Variants in LARP1 observed in about 807,000 individuals in gnomAD.
LARP1 encodes La ribonucleoprotein 1, translational regulator.
A neutral mutation model predicts 122.7 loss-of-function variants in LARP1; 36 were observed. The observed-to-expected ratio is 0.29, with a 90% confidence interval of 0.22 to 0.39. The LOEUF (loss-of-function observed/expected upper bound fraction) is 0.39, where lower values mean the gene tolerates loss of function less well. Ranked by LOEUF, LARP1 falls within the 10% of genes least tolerant of loss-of-function variation. The pLI is 1.00. For missense variants in LARP1, 1,040 were observed against 1,403.6 expected, an observed-to-expected ratio of 0.74 and a Z score of 4.14; for synonymous variants, 539 against 528.7, an observed-to-expected ratio of 1.02 and a Z score of -0.27.
intron 15 of LARP1, among the ~76,000 whole-genome samples, chr5:154,807,694 G>T (rs997930928): frequency 1.3e-5 from 2 of 152,082 alleles, no homozygotes; most frequent in Non-Finnish European, 2.9e-5. Context: ...GGGACTACAG[G>T]CATGCTCCAC....
At chr5:154,691,296 C>T (rs984932434) in intron 1 of LARP1, among the ~76,000 whole-genome samples, 15 of 150,932 alleles carry the variant, frequency 9.9e-5, no homozygotes, top group Non-Finnish European at 2.1e-4. Context: ...ATCAGACTTG[C>T]AATCAAGAGA....
intron 1 of LARP1, among the ~76,000 whole-genome samples, chr5:154,776,894 A>AT (rs1755934666): frequency 6.6e-6 from 1 of 152,208 alleles, no homozygotes; most frequent in South Asian, 2.1e-4. Flanking sequence ...CAGCTCTGCT[A>AT]TTTTTCTTTT....
At chr5:154,783,711 A>G (rs1232257890) in intron 1 of LARP1, among the ~76,000 whole-genome samples, 3 of 151,870 alleles carry the variant, frequency 2.0e-5, no homozygotes, top group African/African-American at 7.3e-5. Flanking sequence ...GATCAAGATT[A>G]AGAGAATCCA....
chr5:154,793,523 A>G, intron 4 of LARP1, 72 bp from the exon 5 acceptor site: 1 of 1,593,824 alleles, frequency 6.3e-7, no homozygotes, highest in Non-Finnish European at 8.6e-7. Flanking sequence ...GCAGAAGAAG[A>G]GGAGTTGGGT....
At chr5:154,801,299 TGG>T (rs1758336224) in intron 10 of LARP1, among the ~76,000 whole-genome samples, 1 of 152,234 alleles carries the variant, frequency 6.6e-6, no homozygotes, top group Non-Finnish European at 1.5e-5. Flanking sequence ...GTTCATCCTG[TGG>T]TAGTCACTTC....
intron 1 of LARP1, among the ~76,000 whole-genome samples, chr5:154,722,226 C>T (rs1413092253): frequency 6.6e-6 from 1 of 152,220 alleles, no homozygotes; most frequent in African/African-American, 2.4e-5. Context: ...CTTCCCCGCC[C>T]TCTCCCTTTT....
intron 1 of LARP1, among the ~76,000 whole-genome samples, chr5:154,687,876 A>G (rs1754010496): frequency 1.3e-5 from 2 of 152,084 alleles, no homozygotes; most frequent in African/African-American, 4.8e-5. Flanking sequence ...TCCTGGGTGA[A>G]TCCTGCAGGT....
chr5:154,771,758 C>G (rs933792667), intron 1 of LARP1, among the ~76,000 whole-genome samples: 2 of 152,144 alleles, frequency 1.3e-5, no homozygotes, highest in African/African-American at 2.4e-5. Flanking sequence ...GGCTCTTATT[C>G]CCCTAGAGAT....
chr5:154,805,776 T>G, intron 14 of LARP1, 105 bp from the exon 15 acceptor site: 16 of 1,231,760 alleles, frequency 1.3e-5, no homozygotes, highest in East Asian at 2.3e-5. Context: ...TGATACCCTG[T>G]GAGAGGATGG....
At chr5:154,765,439 G>T (rs1451127788) in intron 1 of LARP1, among the ~76,000 whole-genome samples, 1 of 152,212 alleles carries the variant, frequency 6.6e-6, no homozygotes, top group African/African-American at 2.4e-5. Context: ...CATCCAGCCT[G>T]CAGTGCAGCA....
At chr5:154,717,634 A>G (rs1204863088) in intron 1 of LARP1, among the ~76,000 whole-genome samples, 1 of 152,170 alleles carries the variant, frequency 6.6e-6, no homozygotes, top group Non-Finnish European at 1.5e-5. Context: ...GTAACACAGG[A>G]CATTTAGGGA....
intron 1 of LARP1, among the ~76,000 whole-genome samples, chr5:154,731,672 G>A (rs144715610): frequency 6.6e-6 from 1 of 152,282 alleles, no homozygotes; most frequent in Non-Finnish European, 1.5e-5. Context: ...GATGCTGAAA[G>A]AGGTTAAGTA....
intron 8 of LARP1, among the ~76,000 whole-genome samples, chr5:154,797,022 T>C (rs1757917159): frequency 1.3e-5 from 2 of 152,166 alleles, no homozygotes; most frequent in Admixed American, 6.6e-5. Flanking sequence ...TGGGACCCTA[T>C]ACATTTCCTG....
chr5:154,790,810 T>C, intron 3 of LARP1, 100 bp downstream of exon 3: 1 of 1,063,988 alleles, frequency 9.4e-7, no homozygotes, highest in Non-Finnish European at 1.4e-6. Context: ...CCTTTCTCAG[T>C]TTTCATTCTT....
At chr5:154,747,305 C>CAAA (rs1159076798) in intron 1 of LARP1, among the ~76,000 whole-genome samples, 1 of 74,584 alleles carries the variant, frequency 1.3e-5, no homozygotes, top group Non-Finnish European at 2.7e-5. Context: ...GACTCTGTCC[C>CAAA]AAAAAAAAAA....
chr5:154,744,373 C>A (rs1241780367), intron 1 of LARP1, among the ~76,000 whole-genome samples: 1 of 152,068 alleles, frequency 6.6e-6, no homozygotes, highest in African/African-American at 2.4e-5. Flanking sequence ...ATATTAATGA[C>A]TGGTATGGCA....
intron 14 of LARP1, chr5:154,804,966 G>A (rs1208738282): frequency 4.4e-6 from 2 of 454,610 alleles, no homozygotes; most frequent in Non-Finnish European, 8.9e-6. Context: ...GAAAATCCGT[G>A]TATAACTTTT....
chr5:154,808,418 C>T lies in LARP1; in HGVS notation c.2699-41C>T, dbSNP rs766254245. The T allele has an allele frequency of 1.0e-5, 16 of 1,597,538 alleles. No individual in the cohort carries two copies. The South Asian group carries it at 1.1e-4, about 11-fold the overall frequency. On this transcript the variant is annotated intron_variant, in intron 15 of 18. Transcript: ENST00000518297. ...CCTTTCTCCCTGAAGCAAGGGCAGC[C>T]TGAACCTGAGACATGCCTTTCCTCC...
chr5:154,793,306 A>G (rs997084018), intron 4 of LARP1, among the ~76,000 whole-genome samples: 3 of 152,168 alleles, frequency 2.0e-5, no homozygotes, highest in African/African-American at 7.2e-5. Context: ...GACTCTGGAA[A>G]GCATGGTCTT....
Sources: allele counts gnomAD v4.1 joint callset (sites outside exome capture counted in the v4.1 genomes callset), GRCh38; gene constraint gnomAD v4.1.1; transcripts MANE v1.5; gene names NCBI Gene and HGNC (gene_info 2026-07-23, HGNC 2026-07-21).